Variants in ROBO2 observed in about 807,000 individuals in gnomAD.
ROBO2 encodes roundabout homolog 2.
A neutral mutation model predicts 160.8 loss-of-function variants in ROBO2; 53 were observed. The ratio of observed to expected loss-of-function variants is 0.33; its 90% CI spans 0.26 to 0.41. The LOEUF is 0.41. Ranked by LOEUF, ROBO2 falls within the 10% of genes least tolerant of loss-of-function variation. The pLI, the probability that ROBO2 is intolerant of heterozygous loss-of-function variation, is 1.00. For synonymous variants in ROBO2, 664 were observed against 611.7 expected (o/e 1.09, Z -1.26); for missense variants, 1,577 against 1,722.4 (o/e 0.92, Z 1.49).
intron 2 of ROBO2, among the ~76,000 whole-genome samples, chr3:76,910,938 T>C (rs1451375202): frequency 3.9e-5 from 6 of 152,076 alleles, no homozygotes; most frequent in Non-Finnish European, 1.5e-5. Flanking sequence ...ATACATTAAG[T>C]ACTCTACTTA....
At chr3:77,564,304 C>G (rs2093418736) in intron 11 of ROBO2, 5 of 322,498 alleles carry the variant, frequency 1.6e-5, no homozygotes, top group Non-Finnish European at 3.1e-5. Flanking sequence ...CCATCTGTGG[C>G]TGGCTGTAAA....
chr3:77,400,352 C>A (rs2075677129), intron 2 of ROBO2, among the ~76,000 whole-genome samples: 1 of 152,072 alleles, frequency 6.6e-6, no homozygotes, highest in African/African-American at 2.4e-5. Flanking sequence ...GTTAATATTT[C>A]TGAATGGTAC....
intron 2 of ROBO2, among the ~76,000 whole-genome samples, chr3:76,303,187 T>G (rs1317944669): frequency 1.3e-5 from 2 of 152,132 alleles, no homozygotes; most frequent in Admixed American, 1.3e-4. Flanking sequence ...ATCAAATCAC[T>G]AGGGCGCCTC....
intron 20 of ROBO2, among the ~76,000 whole-genome samples, 170 bp downstream of exon 21, chr3:77,602,661 G>GCCACCACCACCACCACCACCACCA (rs879356392): frequency 7.8e-6 from 1 of 128,242 alleles, no homozygotes; most frequent in Non-Finnish European, 1.7e-5. Flanking sequence ...CACCACCACC[G>GCCACCACCACCACCACCACCACCA]CCACCACCAC....
chr3:76,139,255 T>C (rs998403108), intron 2 of ROBO2, among the ~76,000 whole-genome samples: 3 of 152,128 alleles, frequency 2.0e-5, no homozygotes, highest in African/African-American at 2.4e-5. Context: ...TGTAAGCCTT[T>C]GTCTTTCCTT....
chr3:77,541,486 G>C (rs1330455700), intron 6 of ROBO2, among the ~76,000 whole-genome samples: 1 of 152,172 alleles, frequency 6.6e-6, no homozygotes, highest in Non-Finnish European at 1.5e-5. Context: ...CTAATTTACT[G>C]TGCATTGTAT....
At chr3:76,249,161 A>G (rs1451544309) in intron 2 of ROBO2, among the ~76,000 whole-genome samples, 4 of 152,140 alleles carry the variant, frequency 2.6e-5, no homozygotes, top group Non-Finnish European at 4.4e-5. Flanking sequence ...GTGAAATATT[A>G]AGAGACAACT....
chr3:76,020,880 T>C (rs1017521717), intron 2 of ROBO2, among the ~76,000 whole-genome samples: 1 of 151,856 alleles, frequency 6.6e-6, no homozygotes, highest in Non-Finnish European at 1.5e-5. Flanking sequence ...CTTTTATGTT[T>C]ACTTACATCT....
chr3:76,373,408 T>G (rs1272438941), intron 2 of ROBO2, among the ~76,000 whole-genome samples: 1 of 151,956 alleles, frequency 6.6e-6, no homozygotes, highest in Non-Finnish European at 1.5e-5. Flanking sequence ...TTTATAGAAG[T>G]CTGTAAATAA....
At chr3:77,561,147 A>G (rs1437001363) in intron 9 of ROBO2, among the ~76,000 whole-genome samples, 1 of 152,198 alleles carries the variant, frequency 6.6e-6, no homozygotes, top group Non-Finnish European at 1.5e-5. Flanking sequence ...AAAATCAATT[A>G]AGATAGTGAA....
intron 2 of ROBO2, among the ~76,000 whole-genome samples, chr3:76,170,201 A>C (rs1350581176): frequency 1.3e-5 from 2 of 152,178 alleles, no homozygotes; most frequent in Non-Finnish European, 2.9e-5. Flanking sequence ...TGGAATCTTC[A>C]CATACATGCA....
chr3:77,371,835 C>A, intron 2 of ROBO2, among the ~76,000 whole-genome samples: 1 of 152,186 alleles, frequency 6.6e-6, no homozygotes, highest in East Asian at 1.9e-4. Flanking sequence ...TTTCATTCAT[C>A]ATTTACTAGC....
intron 1 of ROBO2, among the ~76,000 whole-genome samples, chr3:75,909,237 G>A (rs1449304942): frequency 2.0e-5 from 3 of 151,974 alleles, no homozygotes; most frequent in African/African-American, 2.4e-5. Context: ...TTTCTTAAGC[G>A]GTAATAGTTG....
chr3:76,941,306 A>C (rs918995721), intron 2 of ROBO2, among the ~76,000 whole-genome samples: 2 of 152,064 alleles, frequency 1.3e-5, no homozygotes, highest in Non-Finnish European at 2.9e-5. Flanking sequence ...ATAAAGGGGG[A>C]ATTTTAAATA....
intron 2 of ROBO2, among the ~76,000 whole-genome samples, chr3:77,415,177 G>A (rs2077113168): frequency 6.6e-6 from 1 of 152,198 alleles, no homozygotes; most frequent in African/African-American, 2.4e-5. Flanking sequence ...TGTTACAGGA[G>A]AACAGAAGAG....
At chr3:76,620,439 G>A (rs567225618) in intron 2 of ROBO2, among the ~76,000 whole-genome samples, 3 of 152,206 alleles carry the variant, frequency 2.0e-5, no homozygotes, top group African/African-American at 4.8e-5. Flanking sequence ...TGGTATGTTC[G>A]AGGATGTAAC....
chr3:76,402,097 A>G (rs1048254243), intron 2 of ROBO2, among the ~76,000 whole-genome samples: 1 of 151,588 alleles, frequency 6.6e-6, no homozygotes, highest in Non-Finnish European at 1.5e-5. Flanking sequence ...CTGACTTAGA[A>G]CAAGTCTTCA....
chr3:76,212,995 T>C (rs1703248223), intron 2 of ROBO2, among the ~76,000 whole-genome samples: 1 of 152,160 alleles, frequency 6.6e-6, no homozygotes, highest in African/African-American at 2.4e-5. Flanking sequence ...GCCTATTTTG[T>C]AAGTTAAACA....
chr3:76,442,951 A>G (rs2076993669), intron 2 of ROBO2, among the ~76,000 whole-genome samples: 1 of 152,138 alleles, frequency 6.6e-6, no homozygotes, highest in Non-Finnish European at 1.5e-5. Context: ...GCTATAAAAG[A>G]TTAATCGAAG....
Sources: gnomAD v4.1 joint callset for allele counts (sites outside exome capture counted in the v4.1 genomes callset) on GRCh38, gnomAD v4.1.1 for gene constraint, MANE v1.5 for transcripts, NCBI Gene and HGNC (gene_info 2026-07-23, HGNC 2026-07-21) for gene names.